Variants in TMEM217 observed in about 807,000 individuals in gnomAD.
TMEM217 encodes the protein chromosome 6 open reading frame 128.
For synonymous variants in TMEM217, 76 were observed against 88.3 expected (o/e 0.86, Z 0.78); for missense variants, 204 against 248.8 (o/e 0.82, Z 1.21).
At chr6:37,233,545 T>C (rs1416735155) in intron 1 of TMEM217, among the ~76,000 whole-genome samples, 1 of 152,198 alleles carries the variant, frequency 6.6e-6, no homozygotes, top group Non-Finnish European at 1.5e-5. Context: ...AGGGCATTAA[T>C]CTCATTCACA....
At chr6:37,244,583 G>A (rs1290286267) in intron 1 of TMEM217, among the ~76,000 whole-genome samples, 2 of 152,196 alleles carry the variant, frequency 1.3e-5, no homozygotes, top group Non-Finnish European at 2.9e-5. Flanking sequence ...AGCAACAAGT[G>A]CCAACTCTTG....
intron 1 of TMEM217, among the ~76,000 whole-genome samples, chr6:37,238,397 C>T (rs536081386): frequency 1.3e-5 from 2 of 152,242 alleles, no homozygotes; most frequent in African/African-American, 4.8e-5. Context: ...TAGCAGACAC[C>T]GTTAGCTTCC....
At chr6:37,256,154 G>GT (rs1765714548) in intron 1 of TMEM217, among the ~76,000 whole-genome samples, 1 of 152,206 alleles carries the variant, frequency 6.6e-6, no homozygotes, top group Non-Finnish European at 1.5e-5. Context: ...AAAGTGGCAG[G>GT]TATCTTGTCA....
intron 1 of TMEM217, among the ~76,000 whole-genome samples, chr6:37,245,804 CT>C (rs59353140): frequency 7.2e-4 from 103 of 143,684 alleles, no homozygotes; most frequent in South Asian, 1.1e-3. Flanking sequence ...TTCTTTCTTT[CT>C]TTTTTTTTTT....
chr6:37,258,000 G>A (rs749090716), exon 1 of TMEM217: 53 of 1,612,520 alleles, frequency 3.3e-5, no homozygotes, highest in Admixed American at 1.7e-4. Flanking sequence ...GAGAGGGATA[G>A]GGGATTGGAC....
At chr6:37,237,433 T>C (rs1764559384) in intron 1 of TMEM217, among the ~76,000 whole-genome samples, 1 of 152,178 alleles carries the variant, frequency 6.6e-6, no homozygotes. Context: ...CCACTGTAAA[T>C]ATCTGACAAC....
chr6:37,212,881 G>A, downstream of TMEM217: 2 of 1,501,184 alleles, frequency 1.3e-6, no homozygotes, highest in Non-Finnish European at 1.8e-6. Context: ...GCAAATGTGT[G>A]TCTTCTGGTT....
At chr6:37,222,509 C>T (rs1011766076) in intron 1 of TMEM217, among the ~76,000 whole-genome samples, 1 of 152,192 alleles carries the variant, frequency 6.6e-6, no homozygotes, top group Admixed American at 6.5e-5. Context: ...GGAGGTCCCG[C>T]CCCGCTAACT....
chr6:37,245,469 T>G (rs1197632837), intron 1 of TMEM217, among the ~76,000 whole-genome samples: 3 of 152,196 alleles, frequency 2.0e-5, no homozygotes, highest in African/African-American at 7.2e-5. Flanking sequence ...AAGTCTAGAG[T>G]GGGTGCATTT....
chr6:37,255,447 C>G (rs1765663409), intron 1 of TMEM217, among the ~76,000 whole-genome samples: 2 of 152,016 alleles, frequency 1.3e-5, no homozygotes, highest in African/African-American at 4.8e-5. Flanking sequence ...TCTGGGAGGC[C>G]AAAGGTGGTG....
chr6:37,248,695 C>T (rs1394664577), intron 1 of TMEM217, among the ~76,000 whole-genome samples: 1 of 152,070 alleles, frequency 6.6e-6, no homozygotes. Flanking sequence ...ATAAGGATGG[C>T]GAACAAGGAA....
At chr6:37,217,203 A>T (rs1289089999), downstream of TMEM217, among the ~76,000 whole-genome samples, 1 of 152,214 alleles carries the variant, frequency 6.6e-6, no homozygotes, top group Non-Finnish European at 1.5e-5. Flanking sequence ...CTGAAGCTGG[A>T]GAATCGCTTA....
chr6:37,231,476 C>T (rs1324317427), intron 1 of TMEM217, among the ~76,000 whole-genome samples: 1 of 149,912 alleles, frequency 6.7e-6, no homozygotes, highest in Non-Finnish European at 1.5e-5. Flanking sequence ...AGATGGAGAC[C>T]ATCCTGGCCA....
rs559857240 is a variant in TMEM217, at chr6:37,232,954, T to C, written c.-11-13913A>G. On this transcript the variant is annotated intron_variant, in intron 1 of 1. Coordinates refer to ENST00000357219, the Ensembl canonical transcript of TMEM217. ...GTGCACAAACCAAGACTGTTCTCAC[T>C]TTATACTCTCTTCTTTGGTAACCTC... is the stretch of plus-strand genomic sequence containing the variant. Among the ~76,000 whole-genome samples, 186 of 152,334 alleles carry C rather than the reference T, an allele frequency of 1.2e-3. 2 individuals carry two copies. The South Asian group carries it at 0.018, about 15-fold the overall frequency.
chr6:37,249,545 T>C (rs1472505809), intron 1 of TMEM217, among the ~76,000 whole-genome samples: 1 of 152,186 alleles, frequency 6.6e-6, no homozygotes, highest in Non-Finnish European at 1.5e-5. Flanking sequence ...GGTTTCGAAC[T>C]CCTGACCTCA....
intron 1 of TMEM217, among the ~76,000 whole-genome samples, chr6:37,240,299 G>A (rs746581703): frequency 7.8e-4 from 119 of 152,196 alleles, no homozygotes; most frequent in Non-Finnish European, 1.4e-3. Flanking sequence ...GTTGGCCTGG[G>A]CTGGGGGCCA....
intron 1 of TMEM217, among the ~76,000 whole-genome samples, chr6:37,245,828 T>C (rs1438998607): frequency 6.6e-6 from 1 of 150,638 alleles, no homozygotes; most frequent in Non-Finnish European, 1.5e-5. Context: ...AGAGGGAGTT[T>C]TGCTCTTGTT....
chr6:37,239,546 T>C (rs561280365), intron 1 of TMEM217, among the ~76,000 whole-genome samples: 1 of 152,200 alleles, frequency 6.6e-6, no homozygotes, highest in African/African-American at 2.4e-5. Context: ...CATTGAAGCA[T>C]AGTGTAATTA....
chr6:37,217,125 C>A (rs569021602), downstream of TMEM217, among the ~76,000 whole-genome samples: 45 of 152,338 alleles, frequency 3.0e-4, no homozygotes, highest in African/African-American at 1.0e-3. Flanking sequence ...GAAACCCCGT[C>A]TCTACTAAAA....
Sources: gnomAD v4.1 joint callset for allele counts (sites outside exome capture counted in the v4.1 genomes callset) on GRCh38, gnomAD v4.1.1 for gene constraint, MANE v1.5 for transcripts, NCBI Gene and HGNC (gene_info 2026-07-23, HGNC 2026-07-21) for gene names.